Variants in XKR6 observed in about 807,000 individuals in gnomAD.
XKR6 encodes XK-related protein 6.
In XKR6, 22 loss-of-function variants were observed where a neutral mutation model predicts 56.7. That is an observed-to-expected ratio of 0.39 (90% CI 0.28 to 0.55). XKR6 has a LOEUF of 0.55. Among genes scored for constraint, XKR6 ranks in the 20% least tolerant of loss-of-function variants. The pLI, the probability that XKR6 is intolerant of heterozygous loss-of-function variation, is 0.66. For synonymous variants in XKR6, 524 were observed against 387.8 expected (o/e 1.35, Z -4.13); for missense variants, 852 against 889.0 (o/e 0.96, Z 0.53).
At chr8:11,137,710 C>G (rs1008925801) in intron 1 of XKR6, 8 of 456,126 alleles carry the variant, frequency 1.8e-5, no homozygotes, top group Non-Finnish European at 3.5e-5. Context: ...AAGCTACTCC[C>G]CTGAAATAGG....
At chr8:11,126,649 C>T (rs1467996450) in intron 1 of XKR6, among the ~76,000 whole-genome samples, 3 of 152,148 alleles carry the variant, frequency 2.0e-5, no homozygotes, top group Admixed American at 6.5e-5. Context: ...TTTCCAAGAT[C>T]CACAGACTAA....
intron 1 of XKR6, among the ~76,000 whole-genome samples, chr8:11,008,009 A>G (rs1417989708): frequency 6.6e-6 from 1 of 152,142 alleles, no homozygotes; most frequent in East Asian, 1.9e-4. Context: ...GGGAGAGAAG[A>G]CAGGGAAGCA....
At chr8:11,071,670 C>T (rs947741193) in intron 1 of XKR6, among the ~76,000 whole-genome samples, 4 of 151,136 alleles carry the variant, frequency 2.6e-5, no homozygotes, top group African/African-American at 7.3e-5. Context: ...CTATGAGCCC[C>T]GAGGCCATGA....
chr8:11,075,151 A>G (rs756095917), intron 1 of XKR6, among the ~76,000 whole-genome samples: 6 of 152,182 alleles, frequency 3.9e-5, no homozygotes, highest in Non-Finnish European at 8.8e-5. Flanking sequence ...GAGCACAGGA[A>G]CCCTGCCATG....
intron 1 of XKR6, among the ~76,000 whole-genome samples, chr8:11,188,216 A>G (rs928886153): frequency 1.3e-5 from 2 of 152,204 alleles, no homozygotes; most frequent in African/African-American, 2.4e-5. Context: ...ACCAGGTAAC[A>G]TGCCTGACAC....
At chr8:10,928,728 G>C (rs960558500) in intron 1 of XKR6, among the ~76,000 whole-genome samples, 12 of 152,190 alleles carry the variant, frequency 7.9e-5, no homozygotes, top group African/African-American at 2.9e-4. Flanking sequence ...CGCTCCGAGG[G>C]GGGAACCAAG....
Position 10,924,790 on chromosome 8 carries a change from G to T in XKR6, c.805C>A (p.Arg269=). 1 of 1,613,978 alleles carries T rather than the reference G, an allele frequency of 6.2e-7. No individual in the cohort carries two copies. The highest frequency in any genetic ancestry group is 8.5e-7 in the Non-Finnish European group (1 of 1,179,960). ...TMYLGIQSQR[R]KEHQRRFYWA... is the part of the protein sequence containing the mutation. ...TAGAAGCGTCGCTGGTGTTCCTTCCGCCGCTGGCTCTGAATCCCCAGGTAC... is the reference window on the plus strand; with the variant it reads ...TAGAAGCGTCGCTGGTGTTCCTTCCTCCGCTGGCTCTGAATCCCCAGGTAC... The change falls in exon 2 of 3, where the codon CGG becomes AGG. Residue 269 remains arginine, a synonymous_variant. Coordinates refer to ENST00000416569, the MANE Select transcript of XKR6 (RefSeq NM_173683.4).
chr8:11,188,088 A>C (rs188115722), intron 1 of XKR6, among the ~76,000 whole-genome samples: 1 of 152,242 alleles, frequency 6.6e-6, no homozygotes, highest in African/African-American at 2.4e-5. Context: ...GAGGTTTTTC[A>C]GGAATGTGTG....
intron 1 of XKR6, among the ~76,000 whole-genome samples, chr8:11,063,221 A>ATAAATAAC (rs1388432518): frequency 1.2e-3 from 177 of 152,030 alleles, no homozygotes; most frequent in Non-Finnish European, 2.1e-3. Context: ...AAATAAATAA[A>ATAAATAAC]TAAGGTAACA....
At chr8:10,941,226 C>G (rs1801376908) in intron 1 of XKR6, among the ~76,000 whole-genome samples, 2 of 152,304 alleles carry the variant, frequency 1.3e-5, no homozygotes, top group African/African-American at 2.4e-5. Flanking sequence ...ACCTGTGCCC[C>G]CCTCCCCAGG....
At chr8:11,196,728 A>T (rs1303986727) in intron 1 of XKR6, among the ~76,000 whole-genome samples, 3 of 152,198 alleles carry the variant, frequency 2.0e-5, no homozygotes, top group Non-Finnish European at 4.4e-5. Context: ...TAAAACTATG[A>T]CTTCTTGTGT....
chr8:11,033,445 G>A (rs766569317), intron 1 of XKR6, among the ~76,000 whole-genome samples: 39 of 150,534 alleles, frequency 2.6e-4, no homozygotes, highest in Non-Finnish European at 5.0e-4. Flanking sequence ...GATGATGGTC[G>A]TAATGATGAT....
intron 1 of XKR6, among the ~76,000 whole-genome samples, chr8:11,011,614 A>C (rs1018387925): frequency 1.3e-4 from 20 of 152,242 alleles, no homozygotes; most frequent in Admixed American, 3.9e-4. Context: ...AGAGACAGCA[A>C]ACAAATAGGT....
intron 1 of XKR6, among the ~76,000 whole-genome samples, chr8:11,034,237 A>C (rs1445902437): frequency 3.3e-5 from 5 of 152,186 alleles, no homozygotes; most frequent in African/African-American, 1.2e-4. Flanking sequence ...CAGTGTGGGA[A>C]ATGAGAGGCT....
intron 1 of XKR6, among the ~76,000 whole-genome samples, chr8:11,016,324 C>T (rs1354003588): frequency 6.6e-6 from 1 of 152,190 alleles, no homozygotes; most frequent in Admixed American, 6.5e-5. Context: ...GGCAGCGCGA[C>T]GGCTGCGGGC....
At chr8:11,105,091 C>A (rs945979795) in intron 1 of XKR6, 4 of 152,084 alleles carry the variant, frequency 2.6e-5, no homozygotes, top group African/African-American at 9.7e-5. Flanking sequence ...TGGTTAATGT[C>A]CTGTGAGTTA....
rs567943241 is a variant in XKR6, at chr8:11,131,891, C to A, written c.764+68685G>T. Among the ~76,000 whole-genome samples, 164 of 152,276 alleles carry A rather than the reference C, an allele frequency of 1.1e-3. 1 individual carries two copies. The South Asian group carries it at 0.033, about 31-fold the overall frequency. On this transcript the variant is annotated intron_variant, in intron 1 of 2. Coordinates refer to ENST00000416569, the MANE Select transcript of XKR6 (RefSeq NM_173683.4). ...CAGTGTAGGTGTGCAGTAGACTATACCATCTAGGTTTGTGTATGTCAGTCC... is the reference window on the plus strand; with the variant it reads ...CAGTGTAGGTGTGCAGTAGACTATAACATCTAGGTTTGTGTATGTCAGTCC...
intron 1 of XKR6, among the ~76,000 whole-genome samples, chr8:11,019,851 G>A (rs1239545640): frequency 6.6e-6 from 1 of 152,216 alleles, no homozygotes; most frequent in Non-Finnish European, 1.5e-5. Flanking sequence ...TTCCGTGTAA[G>A]CTCAAACCCA....
intron 1 of XKR6, among the ~76,000 whole-genome samples, chr8:11,173,004 T>C (rs549993242): frequency 6.6e-6 from 1 of 152,290 alleles, no homozygotes; most frequent in South Asian, 2.1e-4. Context: ...AATTTCCATT[T>C]ACCTGATTTG....
Sources: gnomAD v4.1 joint callset for allele counts (sites outside exome capture counted in the v4.1 genomes callset) on GRCh38, gnomAD v4.1.1 for gene constraint, MANE v1.5 for transcripts, NCBI Gene and HGNC (gene_info 2026-07-23, HGNC 2026-07-21) for gene names.